Variants in ERBIN observed in about 807,000 individuals in gnomAD.
The protein encoded by ERBIN is erbb2 interacting protein.
In ERBIN, 60 loss-of-function variants were observed where a neutral mutation model predicts 158.4. That is an observed-to-expected ratio of 0.38 (90% CI 0.31 to 0.47). The LOEUF is 0.47. Among genes scored for constraint, ERBIN ranks in the 20% least tolerant of loss-of-function variants. The pLI is 0.99. For missense variants in ERBIN, 1,610 were observed against 1,648.0 expected, an observed-to-expected ratio of 0.98 and a Z score of 0.40; for synonymous variants, 594 against 557.2, an observed-to-expected ratio of 1.07 and a Z score of -0.93.
At chr5:65,980,007 A>G (rs1440598701) in intron 1 of ERBIN, among the ~76,000 whole-genome samples, 2 of 152,234 alleles carry the variant, frequency 1.3e-5, no homozygotes, top group African/African-American at 4.8e-5. Flanking sequence ...TGTATATTGT[A>G]ATTTCTAGAG....
intron 19 of ERBIN, among the ~76,000 whole-genome samples, chr5:66,049,996 G>A (rs1758858290): frequency 6.6e-6 from 1 of 151,972 alleles, no homozygotes; most frequent in Non-Finnish European, 1.5e-5. Flanking sequence ...GATTTGTTTG[G>A]TGATTATATG....
chr5:66,068,467 A>G (rs1321878257), intron 21 of ERBIN, among the ~76,000 whole-genome samples: 1 of 152,192 alleles, frequency 6.6e-6, no homozygotes, highest in Non-Finnish European at 1.5e-5. Flanking sequence ...ACTTAGAATT[A>G]CTGGGTGTTG....
At chr5:66,060,839 A>G (rs1450988628) in intron 21 of ERBIN, among the ~76,000 whole-genome samples, 1 of 152,126 alleles carries the variant, frequency 6.6e-6, no homozygotes, top group Admixed American at 6.5e-5. Flanking sequence ...GTTTCGATGT[A>G]GTTGAGCGGT....
At chr5:65,992,132 A>G (rs1318721780) in intron 2 of ERBIN, among the ~76,000 whole-genome samples, 1 of 152,166 alleles carries the variant, frequency 6.6e-6, no homozygotes, top group African/African-American at 2.4e-5. Flanking sequence ...GTTGAGTACT[A>G]AGAAGCAGAC....
intron 4 of ERBIN, among the ~76,000 whole-genome samples, chr5:66,010,766 A>G (rs912567468): frequency 6.6e-6 from 1 of 152,344 alleles, no homozygotes; most frequent in African/African-American, 2.4e-5. Flanking sequence ...CAGGCTATAT[A>G]AAATTCATTT....
At chr5:66,071,132 T>C (rs1166979933) in intron 21 of ERBIN, among the ~76,000 whole-genome samples, 1 of 152,114 alleles carries the variant, frequency 6.6e-6, no homozygotes, top group Non-Finnish European at 1.5e-5. Context: ...GGCAGGAGGA[T>C]CACTTGAGCC....
chr5:66,062,245 T>G (rs1760476924), intron 21 of ERBIN, among the ~76,000 whole-genome samples: 1 of 152,192 alleles, frequency 6.6e-6, no homozygotes, highest in Non-Finnish European at 1.5e-5. Flanking sequence ...TCGTTTCTTT[T>G]TATTCTTTTT....
chr5:65,986,042 A>G (rs115167907), intron 1 of ERBIN, among the ~76,000 whole-genome samples: 7 of 151,730 alleles, frequency 4.6e-5, no homozygotes, highest in Non-Finnish European at 1.5e-5. Flanking sequence ...CTGGTCATCT[A>G]TAATGTTTTG....
Position 65,971,841 on chromosome 5 carries a change from G to C in ERBIN, c.-57-16794G>C, listed in dbSNP as rs1749282132. Reference sequence around the variant, plus strand: ...AATGATTGACTGGCTTGAGTCAGGTGCCCGTTCCCTTTCCAATCTGCTCCA... The same window carrying C: ...AATGATTGACTGGCTTGAGTCAGGTCCCCGTTCCCTTTCCAATCTGCTCCA... On this transcript the variant is annotated intron_variant, in intron 1 of 25. Coordinates refer to ENST00000284037, the MANE Select transcript of ERBIN (RefSeq NM_001253697.2). Among the ~76,000 whole-genome samples the C allele has an allele frequency of 2.0e-5, 3 of 152,142 alleles. No homozygotes were observed. The South Asian group carries it at 6.2e-4, about 31-fold the overall frequency.
intron 18 of ERBIN, among the ~76,000 whole-genome samples, chr5:66,047,207 A>C (rs80350229): frequency 0.021 from 3,209 of 152,158 alleles, 118 homozygotes; most frequent in African/African-American, 0.072. Flanking sequence ...TTGACATTTC[A>C]TTTAAGTGGA....
At chr5:66,030,863 G>C (rs1756795824) in intron 14 of ERBIN, among the ~76,000 whole-genome samples, 1 of 152,084 alleles carries the variant, frequency 6.6e-6, no homozygotes, top group Admixed American at 6.6e-5. Context: ...TAACCACCAT[G>C]CCTGGCCTGC....
chr5:66,018,756 C>T (rs908736823), intron 7 of ERBIN, among the ~76,000 whole-genome samples: 2 of 147,728 alleles, frequency 1.4e-5, no homozygotes, highest in Non-Finnish European at 3.0e-5. Context: ...CCTGCCTCAG[C>T]CTCCTGAGTA....
chr5:65,963,792 CT>C (rs5868429), intron 1 of ERBIN, among the ~76,000 whole-genome samples: 80,311 of 122,718 alleles, frequency 0.65, 26,996 homozygotes, highest in Non-Finnish European at 0.8. Flanking sequence ...TCTTTCTTTT[CT>C]TTTTTTTTTT....
intron 4 of ERBIN, among the ~76,000 whole-genome samples, chr5:65,999,790 T>A (rs1377373256): frequency 2.0e-5 from 3 of 152,222 alleles, no homozygotes; most frequent in Non-Finnish European, 4.4e-5. Context: ...GAGGGCAGTG[T>A]GAAATTTGTG....
At chr5:66,010,557 A>G (rs1019965432) in intron 4 of ERBIN, among the ~76,000 whole-genome samples, 2 of 152,138 alleles carry the variant, frequency 1.3e-5, no homozygotes, top group Non-Finnish European at 1.5e-5. Flanking sequence ...TTTTGACTGA[A>G]ACAGTTACTA....
intron 1 of ERBIN, among the ~76,000 whole-genome samples, chr5:65,937,680 G>A (rs1482821962): frequency 3.3e-5 from 5 of 152,056 alleles, no homozygotes; most frequent in African/African-American, 1.2e-4. Context: ...AGGCCGAGGC[G>A]GGCGGATCAC....
intron 8 of ERBIN, among the ~76,000 whole-genome samples, chr5:66,021,767 T>C (rs754072530): frequency 6.6e-6 from 1 of 152,154 alleles, no homozygotes; most frequent in Non-Finnish European, 1.5e-5. Flanking sequence ...AGTAATAAGA[T>C]ACTTCTCTAT....
rs898264427 is a variant in ERBIN at position 66,054,533 on chromosome 5, G to A, written c.3215G>A (p.Ser1072Asn). The A allele has an allele frequency of 1.9e-5, 30 of 1,614,084 alleles. No individual in the cohort carries two copies. The highest frequency in any genetic ancestry group is 2.3e-5 in the Non-Finnish European group (27 of 1,180,034). Reference sequence around the variant, plus strand: ...CGACTTATTCCTGCAGTAACTCGAAGTACAATCCAGCGACAAAGTAGTGTG... The same window carrying A: ...CGACTTATTCCTGCAGTAACTCGAAATACAATCCAGCGACAAAGTAGTGTG... The part of the protein sequence containing the change: ...NDRLIPAVTR[S>N]TIQRQSSVSS... The change falls in exon 21 of 26, where the codon AGT (serine) becomes AAT (asparagine). Residue 1072 changes from serine (S) to asparagine (N), a missense_variant. Ser to Asn is a conservative substitution (Grantham distance 46). This residue lies in a region of ERBIN where 1,014 missense variants were observed against 936.1 expected (regional missense o/e 1.08). Transcript: ENST00000284037.
intron 1 of ERBIN, among the ~76,000 whole-genome samples, chr5:65,977,256 C>A (rs1282567063): frequency 6.6e-6 from 1 of 150,928 alleles, no homozygotes; most frequent in East Asian, 2.0e-4. Flanking sequence ...CTGACCCCCC[C>A]ACCTCCCTCC....
Sources: allele counts gnomAD v4.1 joint callset (sites outside exome capture counted in the v4.1 genomes callset), GRCh38; gene constraint gnomAD v4.1.1; regional missense constraint gnomAD v4.1.1; transcripts MANE v1.5; gene names NCBI Gene and HGNC (gene_info 2026-07-23, HGNC 2026-07-21).